The following GPM6A variants were observed in gnomAD, a reference collection of about 807,000 sequenced individuals.
GPM6A encodes glycoprotein M6A, also known as neuronal membrane glycoprotein M6-a.
GPM6A carries 7 observed loss-of-function variants against 32.1 expected under a neutral mutation model. The ratio of observed to expected loss-of-function variants is 0.22; its 90% CI spans 0.12 to 0.41. The LOEUF (loss-of-function observed/expected upper bound fraction) is 0.41, where lower values mean the gene tolerates loss of function less well. Among genes scored for constraint, GPM6A ranks in the 10% least tolerant of loss-of-function variants. GPM6A has a pLI of 1.00. For missense variants in GPM6A, 235 were observed against 347.2 expected (o/e 0.68, Z 2.57); for synonymous variants, 130 against 123.4 (o/e 1.05, Z -0.35).
chr4:175,824,840 T>C (rs1735384185), intron 1 of GPM6A, among the ~76,000 whole-genome samples: 1 of 152,190 alleles, frequency 6.6e-6, no homozygotes, highest in African/African-American at 2.4e-5. Flanking sequence ...GACAAGCAAA[T>C]GATTTTCACA....
At chr4:175,768,063 A>G (rs190062996) in intron 1 of GPM6A, among the ~76,000 whole-genome samples, 65 of 152,330 alleles carry the variant, frequency 4.3e-4, no homozygotes, top group African/African-American at 1.5e-3. Context: ...AAAACACAAC[A>G]AAATTGGAAC....
chr4:175,738,842 C>A lies in GPM6A; in HGVS notation c.38-37075G>T, dbSNP rs538455974. On this transcript the variant is annotated intron_variant, in intron 1 of 6. Coordinates refer to ENST00000393658, the MANE Select transcript of GPM6A (RefSeq NM_201591.3). ...TTCATTTTAGCTGCATGCTGAGCTCCACCCTCCCTACACACCATCTGCTAT... is the reference window on the plus strand; with the variant it reads ...TTCATTTTAGCTGCATGCTGAGCTCAACCCTCCCTACACACCATCTGCTAT... Among the ~76,000 whole-genome samples, 122 of 152,134 alleles carry A rather than the reference C, an allele frequency of 8.0e-4. 1 individual carries two copies. The highest frequency in any genetic ancestry group is 2.8e-3 in the African/African-American group (118 of 41,516).
At position 175,856,239 on chromosome 4, in the gene GPM6A, A is replaced by G. The variant is rs1029217131; in HGVS notation, c.-22-43990T>C. Among the ~76,000 whole-genome samples, 14 of 152,260 alleles carry G rather than the reference A, an allele frequency of 9.2e-5. No homozygotes were observed. In the East Asian group the frequency reaches 2.5e-3, roughly 27 times the overall value. On this transcript the variant is annotated intron_variant, in intron 1 of 7. Transcript: ENST00000280187. ...TTGATTAAAAACAAAGTATTACTTCATTAATTATAACAAATATACCGTACT... is the reference window on the plus strand; with the variant it reads ...TTGATTAAAAACAAAGTATTACTTCGTTAATTATAACAAATATACCGTACT...
At chr4:175,645,618 G>T (rs139438135) in intron 4 of GPM6A, among the ~76,000 whole-genome samples, 1 of 152,130 alleles carries the variant, frequency 6.6e-6, no homozygotes, top group Non-Finnish European at 1.5e-5. Flanking sequence ...CTCCTCGGGA[G>T]GCTGAGGCAG....
chr4:175,843,395 CACAAA>C (rs1735997580), intron 1 of GPM6A, among the ~76,000 whole-genome samples: 1 of 152,182 alleles, frequency 6.6e-6, no homozygotes, highest in African/African-American at 2.4e-5. Flanking sequence ...GCCTTCAGAG[CACAAA>C]ACAATGAGGA....
At chr4:175,770,257 C>T (rs1192728928) in intron 1 of GPM6A, among the ~76,000 whole-genome samples, 1 of 152,178 alleles carries the variant, frequency 6.6e-6, no homozygotes, top group Non-Finnish European at 1.5e-5. Context: ...AACTCCTGAC[C>T]TCAGATGATC....
intron 1 of GPM6A, among the ~76,000 whole-genome samples, chr4:175,904,023 G>C (rs1738048027): frequency 6.6e-6 from 1 of 152,116 alleles, no homozygotes; most frequent in Non-Finnish European, 1.5e-5. Context: ...ACTTGAAAGA[G>C]ATTTCTACTA....
At chr4:175,864,453 C>A (rs1323606680) in intron 1 of GPM6A, among the ~76,000 whole-genome samples, 1 of 152,180 alleles carries the variant, frequency 6.6e-6, no homozygotes, top group Non-Finnish European at 1.5e-5. Context: ...GGATTACAGG[C>A]ATGGGCTACC....
intron 1 of GPM6A, among the ~76,000 whole-genome samples, chr4:175,824,249 A>G (rs1347915885): frequency 1.3e-5 from 2 of 152,082 alleles, no homozygotes; most frequent in East Asian, 1.9e-4. Flanking sequence ...CTCTGCTGCA[A>G]TGTGCACACT....
At chr4:175,812,616 T>C, upstream of GPM6A, 1 of 996,534 alleles carries the variant, frequency 1.0e-6, no homozygotes, top group Non-Finnish European at 1.2e-6. Flanking sequence ...GCATTTAAAA[T>C]GGGGAAAAGA....
intron 1 of GPM6A, among the ~76,000 whole-genome samples, chr4:175,939,780 G>A (rs1232675179): frequency 6.6e-6 from 1 of 151,652 alleles, no homozygotes; most frequent in Non-Finnish European, 1.5e-5. Context: ...GAAGCAACAA[G>A]AAAAAGTTAA....
intron 1 of GPM6A, among the ~76,000 whole-genome samples, chr4:175,889,856 C>A (rs1377123113): frequency 1.3e-5 from 2 of 151,188 alleles, no homozygotes; most frequent in Non-Finnish European, 3.0e-5. Flanking sequence ...GAAAGAAAAA[C>A]GAGCAAAGAA....
intron 1 of GPM6A, among the ~76,000 whole-genome samples, chr4:175,969,326 T>C (rs1198368510): frequency 6.6e-6 from 1 of 152,154 alleles, no homozygotes; most frequent in East Asian, 1.9e-4. Flanking sequence ...AATACTCTAA[T>C]AGTAGATAGG....
At chr4:175,826,039 G>A (rs928332779) in intron 1 of GPM6A, among the ~76,000 whole-genome samples, 2 of 152,002 alleles carry the variant, frequency 1.3e-5, no homozygotes, top group South Asian at 2.1e-4. Flanking sequence ...ATGGTGGAGT[G>A]AGCCTCTGGT....
intron 1 of GPM6A, among the ~76,000 whole-genome samples, chr4:175,710,965 G>C (rs1376203995): frequency 6.6e-6 from 1 of 152,032 alleles, no homozygotes; most frequent in Non-Finnish European, 1.5e-5. Flanking sequence ...AAGGAGACCA[G>C]GAATATGAAA....
At chr4:175,812,426 G>T, upstream of GPM6A, 1 of 1,296,462 alleles carries the variant, frequency 7.7e-7, no homozygotes, top group Non-Finnish European at 9.7e-7. Context: ...CTTGGAGACA[G>T]GCTGTCAAGT....
intron 1 of GPM6A, among the ~76,000 whole-genome samples, chr4:175,908,929 T>C (rs1470320119): frequency 1.3e-5 from 2 of 151,036 alleles, no homozygotes; most frequent in African/African-American, 2.4e-5. Flanking sequence ...ATATACCCTA[T>C]CCGTAAAAGC....
At chr4:175,810,998 T>G (rs563145449) in intron 1 of GPM6A, among the ~76,000 whole-genome samples, 315 of 152,264 alleles carry the variant, frequency 2.1e-3, no homozygotes, top group African/African-American at 7.3e-3. Flanking sequence ...AACTTATCTA[T>G]TATCTCTTGC....
chr4:175,792,218 A>G (rs1200888057), intron 1 of GPM6A, among the ~76,000 whole-genome samples: 2 of 152,180 alleles, frequency 1.3e-5, no homozygotes, highest in Non-Finnish European at 2.9e-5. Flanking sequence ...TGCTAGTAAC[A>G]TATCGTGTTT....
Sources: gnomAD v4.1 joint callset for allele counts (sites outside exome capture counted in the v4.1 genomes callset) on GRCh38, gnomAD v4.1.1 for gene constraint, MANE v1.5 for transcripts, NCBI Gene and HGNC (gene_info 2026-07-23, HGNC 2026-07-21) for gene names.